LRRC9: variants seen among roughly 807,000 people sequenced by gnomAD.
LRRC9 encodes the protein leucine-rich repeat-containing protein 9.
LRRC9 carries 122 observed loss-of-function variants against 63.2 expected under a neutral mutation model. The ratio of observed to expected loss-of-function variants is 1.93; its 90% confidence interval spans 1.67 to 2.24. The LOEUF (loss-of-function observed/expected upper bound fraction) is 2.24, where lower values mean the gene tolerates loss of function less well. Among genes scored for constraint, LRRC9 ranks in the 30% most tolerant of loss-of-function variants. LRRC9 has a pLI of 0.00. For synonymous variants in LRRC9, 366 were observed against 213.1 expected, an observed-to-expected ratio of 1.72 and a Z score of -6.25; for missense variants, 1,071 against 627.7, an observed-to-expected ratio of 1.71 and a Z score of -7.55.
chr14:59,947,722 A>G (rs1044636920), intron 8 of LRRC9, among the ~76,000 whole-genome samples: 5 of 139,944 alleles, frequency 3.6e-5, no homozygotes, highest in Non-Finnish European at 6.1e-5. Flanking sequence ...AGCTTTCTAC[A>G]TATGGCTAGC....
intron 30 of LRRC9, chr14:60,057,463 A>G (rs1322940191): frequency 6.5e-6 from 1 of 153,016 alleles, no homozygotes; most frequent in Non-Finnish European, 1.5e-5. Flanking sequence ...GGTAATGTGA[A>G]GAATACAAAG....
rs537808395 is a variant in LRRC9, at chr14:59,942,106, C to G, written c.727-2483C>G. Among the ~76,000 whole-genome samples, 1 of 152,236 alleles carries G rather than the reference C, an allele frequency of 6.6e-6. No individual in the cohort carries two copies. Among genetic ancestry groups the G allele is most frequent in the Admixed American group, 6.5e-5 (1 of 15,276 alleles). ...GACTTATTTCGCTTAACATAATGTC[C>G]TCCAGGCTCAACCATGTTGCCACAA... On this transcript the variant is annotated intron_variant, in intron 7 of 31. Coordinates refer to ENST00000445360, the Ensembl canonical transcript of LRRC9. The surrounding 1 kb of genome is among the most constrained non-coding windows in gnomAD (Gnocchi z 5.3).
chr14:59,932,050 G>A lies in LRRC9; in HGVS notation c.543+11G>A. 1 of 695,098 alleles carries A rather than the reference G, an allele frequency of 1.4e-6. No homozygotes were observed. The highest frequency in any genetic ancestry group is 2.6e-6 in the Non-Finnish European group (1 of 382,000). The allele number at this position is 695,098 out of a possible 1,614,324, so 43.1% of individuals were successfully genotyped here. A position where few individuals can be genotyped will look rare whatever the true frequency, so the allele number is the denominator to read the frequency against. On this transcript the variant is annotated intron_variant, in intron 6 of 31. Coordinates refer to ENST00000445360, the Ensembl canonical transcript of LRRC9. This position sits in a 1 kb window ranked among gnomAD's most constrained non-coding sequence, Gnocchi z 4.7. ...ATATGTTCTTTCAAGGTATGTTTAA[G>A]TGGAATAATTAATTTTTATTTATCA...
chr14:60,015,553 G>A (rs972333272), intron 23 of LRRC9, among the ~76,000 whole-genome samples: 9 of 152,076 alleles, frequency 5.9e-5, no homozygotes, highest in Non-Finnish European at 8.8e-5. Flanking sequence ...GCTAGAGTTG[G>A]AGTTCATGCT....
intron 3 of LRRC9, among the ~76,000 whole-genome samples, chr14:59,929,386 T>C (rs980433011): frequency 1.3e-5 from 2 of 150,044 alleles, no homozygotes; most frequent in Non-Finnish European, 3.0e-5. Flanking sequence ...TATCTCACAC[T>C]AAGACAGAAT....
In LRRC9 at chr14:60,051,355, G is replaced by A. The variant is rs1158623931; in HGVS notation, c.3991-1710G>A. On this transcript the variant is annotated intron_variant, in intron 29 of 31. Coordinates refer to ENST00000445360, the Ensembl canonical transcript of LRRC9. This position sits in a 1 kb window ranked among gnomAD's most constrained non-coding sequence, Gnocchi z 4.7. The stretch of plus-strand genomic sequence containing the variant: ...AGGGTGCCACTTAAAGAAGCAGTCT[G>A]AGCATGATCTTGCAAAGCAGGTGTG... 1.3e-5 allele frequency among the ~76,000 whole-genome samples: 2 copies of A among 152,212 alleles called. No homozygotes were observed. Among genetic ancestry groups the A allele is most frequent in the Non-Finnish European group, 2.9e-5 (2 of 68,028 alleles).
At chr14:59,972,280 T>C (rs952874756) in intron 12 of LRRC9, among the ~76,000 whole-genome samples, 4 of 152,128 alleles carry the variant, frequency 2.6e-5, no homozygotes, top group Admixed American at 2.6e-4. Flanking sequence ...TTTTACCTAG[T>C]TTGCAGGTTA....
At chr14:59,933,064 C>T (rs1889838176) in intron 6 of LRRC9, among the ~76,000 whole-genome samples, 1 of 152,160 alleles carries the variant, frequency 6.6e-6, no homozygotes, top group Non-Finnish European at 1.5e-5. Context: ...ACACAGTAAT[C>T]TTATGGCCTT....
intron 27 of LRRC9, among the ~76,000 whole-genome samples, chr14:60,026,516 C>A (rs1207391923): frequency 1.3e-5 from 2 of 152,088 alleles, no homozygotes; most frequent in African/African-American, 2.4e-5. Flanking sequence ...TTCTCCCATT[C>A]TGTAAGCTAT....
intron 13 of LRRC9, among the ~76,000 whole-genome samples, chr14:59,976,409 T>A (rs1488149933): frequency 2.6e-5 from 4 of 152,174 alleles, no homozygotes; most frequent in Non-Finnish European, 5.9e-5. Context: ...GTTAACTTAA[T>A]TCTATAAGAA....
chr14:59,955,459 A>G (rs2139936453), intron 8 of LRRC9, among the ~76,000 whole-genome samples: 1 of 152,246 alleles, frequency 6.6e-6, no homozygotes, highest in African/African-American at 2.4e-5. Flanking sequence ...CTCTGATGGT[A>G]GTTTGTATTT....
rs1891623037 is a variant in LRRC9 at position 60,027,153 on chromosome 14, T to C, written c.3704-731T>C. Among the ~76,000 whole-genome samples the C allele has an allele frequency of 1.3e-5, 2 of 152,080 alleles. No homozygotes were observed. Among genetic ancestry groups the C allele is most frequent in the African/African-American group, 4.8e-5 (2 of 41,440 alleles). ...GGCCTGATACTGCCATTTTTATGTC[T>C]TTGAGAAAGCCACTTAATTTCTCTG... On this transcript the variant is annotated intron_variant, in intron 27 of 31. Transcript: ENST00000445360. The surrounding 1 kb of genome is among the most constrained non-coding windows in gnomAD (Gnocchi z 4.0).
chr14:59,969,760 A>G lies in LRRC9; in HGVS notation c.1506+2547A>G, dbSNP rs183641803. Among the ~76,000 whole-genome samples, 711 of 152,336 alleles carry G rather than the reference A, an allele frequency of 4.7e-3. 4 individuals are homozygous for G. The highest frequency in any genetic ancestry group is 7.6e-3 in the Non-Finnish European group (514 of 68,018). On this transcript the variant is annotated intron_variant, in intron 12 of 31. Coordinates refer to ENST00000445360, the Ensembl canonical transcript of LRRC9. ...AGAGTACGTAAGTAAATCTGCTCAC[A>G]TAGCTTGAGTTCATTCCCTACCGAA...
chr14:59,967,192 C>G (rs1441506962), exon 12 of LRRC9: 1 of 614,656 alleles, frequency 1.6e-6, no homozygotes, highest in Admixed American at 2.1e-5. Context: ...AAAAAGGATT[C>G]AAAGACAGTG....
chr14:59,932,991 C>T lies in LRRC9; in HGVS notation c.543+952C>T, dbSNP rs915765966. 2.0e-5 allele frequency among the ~76,000 whole-genome samples: 3 copies of T among 152,142 alleles called. No homozygotes were observed. Among genetic ancestry groups the T allele is most frequent in the Non-Finnish European group, 1.5e-5 (1 of 68,004 alleles). On this transcript the variant is annotated intron_variant, in intron 6 of 31. Transcript: ENST00000445360. This position sits in a 1 kb window ranked among gnomAD's most constrained non-coding sequence, Gnocchi z 4.7. ...CCACCACCCCTACCTATCTCTTTGA[C>T]TACAGTTTCTACCACTCTCTCCTTT...
intron 7 of LRRC9, among the ~76,000 whole-genome samples, chr14:59,939,343 ATGT>A (rs1340790943): frequency 6.6e-6 from 1 of 151,996 alleles, no homozygotes; most frequent in Non-Finnish European, 1.5e-5. Context: ...AGGCCAGATT[ATGT>A]GAGACTGTAG....
chr14:60,045,103 A>G (rs2140399275), intron 29 of LRRC9, among the ~76,000 whole-genome samples: 1 of 138,696 alleles, frequency 7.2e-6, no homozygotes, highest in South Asian at 2.2e-4. Context: ...TTTATCTAAT[A>G]TAAGTATAGT....
intron 8 of LRRC9, among the ~76,000 whole-genome samples, chr14:59,955,157 T>G (rs905454997): frequency 1.3e-5 from 2 of 152,230 alleles, no homozygotes; most frequent in African/African-American, 4.8e-5. Context: ...GCTGGCCTCA[T>G]AAAATGAGTT....
At chr14:59,953,785 T>C (rs954081076) in intron 8 of LRRC9, among the ~76,000 whole-genome samples, 2 of 152,242 alleles carry the variant, frequency 1.3e-5, no homozygotes, top group South Asian at 2.1e-4. Context: ...AGGGTTTTTA[T>C]GGTTTTGGGT....
Sources: gnomAD v4.1 joint callset for allele counts (sites outside exome capture counted in the v4.1 genomes callset) on GRCh38, gnomAD v4.1.1 for gene constraint, Gnocchi (gnomAD v3.1) non-coding constraint, MANE v1.5 for transcripts, NCBI Gene and HGNC (gene_info 2026-07-23, HGNC 2026-07-21) for gene names.